NPHP1: variants seen among roughly 807,000 people sequenced by gnomAD.
NPHP1 encodes the protein nephrocystin-1.
Under a neutral mutation model 90.4 loss-of-function variants are expected in NPHP1, and 70 were observed. The ratio of observed to expected loss-of-function variants is 0.77; its 90% CI spans 0.64 to 0.95. The LOEUF is 0.95. NPHP1 is among the 40% of genes least tolerant of loss of function. The pLI is 0.00. For missense variants in NPHP1, 764 were observed against 795.9 expected, an observed-to-expected ratio of 0.96 and a Z score of 0.48; for synonymous variants, 256 against 271.7, an observed-to-expected ratio of 0.94 and a Z score of 0.57.
intron 2 of NPHP1, among the ~76,000 whole-genome samples, chr2:110,188,644 G>A (rs377431367): frequency 5.3e-5 from 8 of 152,034 alleles, no homozygotes; most frequent in Admixed American, 3.9e-4. Context: ...ATTCTTCACA[G>A]AATTAGAAAA....
chr2:110,193,152 G>A (rs1249737917), intron 2 of NPHP1, among the ~76,000 whole-genome samples: 3 of 152,138 alleles, frequency 2.0e-5, no homozygotes, highest in African/African-American at 2.4e-5. Flanking sequence ...ATTCACACAT[G>A]ACAATATTAA....
chr2:110,155,705 C>T lies in NPHP1; in HGVS notation c.1083+4422G>A, dbSNP rs115841955. Among the ~76,000 whole-genome samples the T allele has an allele frequency of 9.2e-3, 1,401 of 152,212 alleles. 20 individuals are homozygous for T. Among genetic ancestry groups the T allele is most frequent in the African/African-American group, 0.032 (1,326 of 41,520 alleles). On this transcript the variant is annotated intron_variant, in intron 11 of 19. Coordinates refer to ENST00000445609, the MANE Select transcript of NPHP1 (RefSeq NM_001128178.3). ...GGGGCCTGTAGCCTCTTTGTTTTGG[C>T]CAGTTTATCCCATTTGGAATGGCTG...
intron 12 of NPHP1, among the ~76,000 whole-genome samples, 160 bp from the exon 13 acceptor site, chr2:110,148,186 C>A (rs940295550): frequency 2.0e-5 from 3 of 152,186 alleles, no homozygotes; most frequent in Admixed American, 6.5e-5. Flanking sequence ...GAGGGCAGAT[C>A]CCTCATGGTT....
intron 2 of NPHP1, chr2:110,184,104 G>A: frequency 1.8e-6 from 1 of 544,014 alleles, no homozygotes; most frequent in South Asian, 1.4e-5. Flanking sequence ...GATCGACAAT[G>A]AATCTGGTGT....
intron 12 of NPHP1, among the ~76,000 whole-genome samples, chr2:110,149,280 T>C (rs1369351510): frequency 1.3e-5 from 2 of 152,132 alleles, no homozygotes; most frequent in Non-Finnish European, 2.9e-5. Flanking sequence ...TTCAACAGAA[T>C]AACACATACT....
At chr2:110,134,542 A>AG in intron 16 of NPHP1, among the ~76,000 whole-genome samples, 1 of 151,952 alleles carries the variant, frequency 6.6e-6, no homozygotes, top group South Asian at 2.1e-4. Flanking sequence ...AAAAAAAAAA[A>AG]AAACTACAGG....
At chr2:110,139,674 C>T (rs796736840) in intron 16 of NPHP1, among the ~76,000 whole-genome samples, 39 of 152,274 alleles carry the variant, frequency 2.6e-4, no homozygotes, top group African/African-American at 9.4e-4. Context: ...AGGCTTTCTG[C>T]CCTTGGCCTT....
chr2:110,192,280 A>G (rs1414671387), intron 2 of NPHP1, among the ~76,000 whole-genome samples: 1 of 152,184 alleles, frequency 6.6e-6, no homozygotes, highest in African/African-American at 2.4e-5. Context: ...ACGAATGGCT[A>G]ACTAGAATAA....
At chr2:110,146,352 A>G (rs1281083339) in intron 14 of NPHP1, among the ~76,000 whole-genome samples, 1 of 152,048 alleles carries the variant, frequency 6.6e-6, no homozygotes, top group Non-Finnish European at 1.5e-5. Flanking sequence ...CGTGGTTGCC[A>G]CTGTGATTTC....
intron 1 of NPHP1, among the ~76,000 whole-genome samples, chr2:110,203,338 C>T (rs78709885): frequency 0.012 from 1,835 of 152,210 alleles, 36 homozygotes; most frequent in African/African-American, 0.042. Flanking sequence ...ATAGGCTCAT[C>T]TGTACCCCAA....
intron 2 of NPHP1, among the ~76,000 whole-genome samples, chr2:110,189,810 C>T (rs1684571863): frequency 2.0e-5 from 3 of 152,276 alleles, no homozygotes; most frequent in African/African-American, 7.2e-5. Flanking sequence ...CACAAAGGTT[C>T]TCCAAGTCCC....
intron 8 of NPHP1, 199 bp downstream of exon 8, chr2:110,164,487 CAA>C (rs376683260): frequency 1.1e-3 from 932 of 879,786 alleles, no homozygotes; most frequent in Non-Finnish European, 1.4e-3. Context: ...TCTTTTTGTA[CAA>C]AAAAAAAAAA....
intron 11 of NPHP1, among the ~76,000 whole-genome samples, chr2:110,154,788 T>G (rs1681763805): frequency 6.6e-6 from 1 of 152,122 alleles, no homozygotes; most frequent in Non-Finnish European, 1.5e-5. Flanking sequence ...TTGGGTGCTG[T>G]TAAAGGCATT....
rs746873534 is a variant in NPHP1 at position 110,146,797 on chromosome 2, C to T, written c.1308G>A (p.Val436=). 7 of 1,613,646 alleles carry T rather than the reference C, an allele frequency of 4.3e-6. No homozygotes were observed. The South Asian group carries it at 7.7e-5, about 18-fold the overall frequency. Residue 436 remains valine (V), a synonymous_variant, in exon 14 of 20, where the codon GTG becomes GTA. Transcript: ENST00000445609. ...GERGELSCGW[V]FLKLFDASGV... Reference sequence around the variant, plus strand: ...CACTGGCATCAAAAAGTTTAAGAAACACCCAGCCACAGCTTAACTCTCCTC... The same window carrying T: ...CACTGGCATCAAAAAGTTTAAGAAATACCCAGCCACAGCTTAACTCTCCTC...
At position 110,150,179 on chromosome 2, in the gene NPHP1, T is replaced by C. The variant is rs879099948; in HGVS notation, c.1158+3A>G. 4 of 1,610,798 alleles carry C rather than the reference T, an allele frequency of 2.5e-6. No individual in the cohort carries two copies. The highest frequency in any genetic ancestry group is 1.1e-5 in the South Asian group (1 of 91,012). On this transcript the variant is annotated splice_donor_region_variant and intron_variant, in intron 12 of 19. Coordinates refer to ENST00000445609, the MANE Select transcript of NPHP1 (RefSeq NM_001128178.3). Reference sequence around the variant, plus strand: ...CACTCCACTCATTCAGCAGATTACTTACCTGGGGAGAAAAGGTCCATGTTT... The same window carrying C: ...CACTCCACTCATTCAGCAGATTACTCACCTGGGGAGAAAAGGTCCATGTTT...
intron 16 of NPHP1, among the ~76,000 whole-genome samples, chr2:110,139,594 CAG>C (rs1680480498): frequency 6.6e-6 from 1 of 152,150 alleles, no homozygotes; most frequent in Admixed American, 6.5e-5. Flanking sequence ...CTGGCTGAGT[CAG>C]AGAGGGCAGT....
intron 19 of NPHP1, chr2:110,124,953 G>C (rs1012839779): frequency 2.7e-6 from 1 of 374,792 alleles, no homozygotes; most frequent in Non-Finnish European, 4.7e-6. Flanking sequence ...ATCAGGACTG[G>C]TAAAGTATGG....
At chr2:110,131,874 A>T in intron 16 of NPHP1, 83 bp from the exon 17 acceptor site, 2 of 929,356 alleles carry the variant, frequency 2.2e-6, no homozygotes, top group Non-Finnish European at 3.4e-6. Flanking sequence ...TACTTTAATA[A>T]ACAGTCCCAA....
chr2:110,143,775 C>T (rs1411840764), intron 15 of NPHP1, 134 bp from the exon 16 acceptor site: 17 of 690,400 alleles, frequency 2.5e-5, no homozygotes, highest in Admixed American at 6.5e-5. Flanking sequence ...CATCCATATA[C>T]CCTAAATGAG....
Sources: gnomAD v4.1 joint callset for allele counts (sites outside exome capture counted in the v4.1 genomes callset) on GRCh38, gnomAD v4.1.1 for gene constraint, MANE v1.5 for transcripts, NCBI Gene and HGNC (gene_info 2026-07-23, HGNC 2026-07-21) for gene names.